LOXL2: variants seen among roughly 807,000 people sequenced by gnomAD.
LOXL2 encodes the protein lysyl oxidase homolog 2.
In LOXL2, 70 loss-of-function variants were observed where a neutral mutation model predicts 93.0. That is an observed-to-expected ratio of 0.75 (90% confidence interval 0.62 to 0.92). The LOEUF is 0.92. Among genes scored for constraint, LOXL2 ranks in the 40% least tolerant of loss-of-function variants. LOXL2 has a pLI of 0.00. For synonymous variants in LOXL2, 438 were observed against 413.2 expected, an observed-to-expected ratio of 1.06 and a Z score of -0.73; for missense variants, 973 against 1,054.9, an observed-to-expected ratio of 0.92 and a Z score of 1.08.
At chr8:23,381,061 C>A (rs1804675182) in intron 1 of LOXL2, among the ~76,000 whole-genome samples, 1 of 149,012 alleles carries the variant, frequency 6.7e-6, no homozygotes, top group South Asian at 2.1e-4. Flanking sequence ...GGGCGGGTAA[C>A]CATGATCAAA....
At chr8:23,355,913 A>T (rs991552156) in intron 3 of LOXL2, among the ~76,000 whole-genome samples, 3 of 151,232 alleles carry the variant, frequency 2.0e-5, no homozygotes, top group Non-Finnish European at 3.0e-5. Context: ...CAGGCCTTTT[A>T]AAAAAAAAGA....
chr8:23,379,478 T>C (rs1369877238), intron 1 of LOXL2, among the ~76,000 whole-genome samples: 4 of 152,186 alleles, frequency 2.6e-5, no homozygotes, highest in African/African-American at 9.6e-5. Flanking sequence ...GACAGGGACA[T>C]TTATGTCTGC....
intron 7 of LOXL2, among the ~76,000 whole-genome samples, chr8:23,321,284 G>T (rs753338016): frequency 6.6e-6 from 1 of 150,766 alleles, no homozygotes; most frequent in Non-Finnish European, 1.5e-5. Context: ...AGGCGTTAAG[G>T]CTTACCAGGC....
intron 3 of LOXL2, among the ~76,000 whole-genome samples, chr8:23,352,283 C>A (rs1804107242): frequency 6.6e-6 from 1 of 152,212 alleles, no homozygotes; most frequent in Non-Finnish European, 1.5e-5. Flanking sequence ...ACAAACTACC[C>A]CCTGGCTACC....
chr8:23,363,365 T>C (rs927367283), intron 2 of LOXL2: 2 of 152,200 alleles, frequency 1.3e-5, no homozygotes, highest in Admixed American at 6.5e-5. Flanking sequence ...AAAGAGCTAA[T>C]TGAAAACATC....
intron 3 of LOXL2, among the ~76,000 whole-genome samples, chr8:23,358,381 G>C (rs1804231920): frequency 6.6e-6 from 1 of 152,230 alleles, no homozygotes; most frequent in Admixed American, 6.5e-5. Context: ...GAGAAGGACT[G>C]TGTGAGCCAT....
intron 12 of LOXL2, 65 bp downstream of exon 12, chr8:23,301,962 G>A (rs1803139332): frequency 6.3e-7 from 1 of 1,594,184 alleles, no homozygotes; most frequent in Non-Finnish European, 8.6e-7. Flanking sequence ...CAATGGGAAG[G>A]AGCCTGTGGA....
chr8:23,361,118 C>A (rs945727440), intron 2 of LOXL2, among the ~76,000 whole-genome samples: 3 of 152,090 alleles, frequency 2.0e-5, no homozygotes, highest in African/African-American at 7.2e-5. Flanking sequence ...CCAGGATGGT[C>A]TTGATTTCCT....
At chr8:23,388,623 T>TCACACACA (rs10522826) in intron 1 of LOXL2, among the ~76,000 whole-genome samples, 11 of 142,822 alleles carry the variant, frequency 7.7e-5, no homozygotes, top group South Asian at 2.3e-4. Flanking sequence ...AAAAATATAC[T>TCACACACA]CACACACACA....
chr8:23,338,984 C>G (rs919573509), intron 4 of LOXL2, among the ~76,000 whole-genome samples: 1 of 152,220 alleles, frequency 6.6e-6, no homozygotes, highest in Non-Finnish European at 1.5e-5. Context: ...CTTCAGGCCT[C>G]TTCCATGTTC....
chr8:23,321,058 C>T (rs893734920), intron 7 of LOXL2, among the ~76,000 whole-genome samples: 4 of 107,006 alleles, frequency 3.7e-5, no homozygotes, highest in Non-Finnish European at 2.1e-5. Context: ...TCGGTCTTCA[C>T]CTGTGGGTTT....
At chr8:23,352,775 T>C (rs1327189008) in intron 3 of LOXL2, among the ~76,000 whole-genome samples, 2 of 151,686 alleles carry the variant, frequency 1.3e-5, no homozygotes, top group Non-Finnish European at 2.9e-5. Context: ...TCCCCTTGGG[T>C]GGAAAGAAAT....
chr8:23,403,035 C>T (rs1203611328), intron 1 of LOXL2, among the ~76,000 whole-genome samples: 1 of 152,110 alleles, frequency 6.6e-6, no homozygotes, highest in Admixed American at 6.5e-5. Flanking sequence ...GAGGGAACCT[C>T]GCTTGTTCTC....
intron 3 of LOXL2, among the ~76,000 whole-genome samples, chr8:23,359,877 A>C (rs990979042): frequency 3.9e-5 from 6 of 152,090 alleles, no homozygotes; most frequent in African/African-American, 1.4e-4. Flanking sequence ...GCCTCTGCCC[A>C]TGCTGTTCCT....
At chr8:23,361,143 C>T (rs1224077426) in intron 2 of LOXL2, among the ~76,000 whole-genome samples, 3 of 152,114 alleles carry the variant, frequency 2.0e-5, no homozygotes, top group Non-Finnish European at 4.4e-5. Flanking sequence ...TCGTGATCTG[C>T]CTGCCTCAGC....
intron 9 of LOXL2, chr8:23,316,598 G>T (rs1341252329): frequency 8.4e-6 from 2 of 237,782 alleles, no homozygotes; most frequent in Non-Finnish European, 1.6e-5. Flanking sequence ...GTGGAGGGAG[G>T]AAGCCAACAC....
chr8:23,387,612 G>C (rs1804783865), intron 1 of LOXL2, among the ~76,000 whole-genome samples: 1 of 152,190 alleles, frequency 6.6e-6, no homozygotes, highest in African/African-American at 2.4e-5. Flanking sequence ...ATTTTTCTAA[G>C]TCTCAGGATT....
At chr8:23,376,784 T>C (rs1013385580) in intron 1 of LOXL2, among the ~76,000 whole-genome samples, 4 of 152,264 alleles carry the variant, frequency 2.6e-5, no homozygotes, top group East Asian at 1.9e-4. Context: ...TCAGTGGCGA[T>C]ATCCCCTTTA....
intron 4 of LOXL2, among the ~76,000 whole-genome samples, chr8:23,338,783 C>T (rs867767475): frequency 2.6e-5 from 4 of 152,208 alleles, no homozygotes; most frequent in South Asian, 2.1e-4. Context: ...ATGGATATCC[C>T]TAGTCCCAGG....
Sources: allele counts gnomAD v4.1 joint callset (sites outside exome capture counted in the v4.1 genomes callset), GRCh38; gene constraint gnomAD v4.1.1; transcripts MANE v1.5; gene names NCBI Gene and HGNC (gene_info 2026-07-23, HGNC 2026-07-21).